The following PFKFB4 variants were observed in gnomAD, a reference collection of about 807,000 sequenced individuals.
The protein encoded by PFKFB4 is 6-phosphofructo-2-kinase/fructose-2,6-bisphosphatase 4.
A neutral mutation model predicts 62.8 loss-of-function variants in PFKFB4; 42 were observed. The observed-to-expected ratio is 0.67, with a 90% CI of 0.52 to 0.86. The LOEUF is 0.86. PFKFB4 is among the 40% of genes least tolerant of loss of function. The pLI is 0.00. For synonymous variants in PFKFB4, 204 were observed against 240.7 expected (o/e 0.85, Z 1.41); for missense variants, 475 against 627.2 (o/e 0.76, Z 2.59).
In PFKFB4 at chr3:48,523,619, T is replaced by G; in HGVS notation, c.1223-20A>C. On this transcript the variant is annotated intron_variant, in intron 11 of 13. Transcript: ENST00000232375. The stretch of plus-strand genomic sequence containing the variant: ...GCTGTTCTGTAGACACAGAGGGGGA[T>G]GGCTAGCACACCAGAAATGCCTGGT... The G allele has an allele frequency of 1.2e-6, 2 of 1,614,098 alleles. No homozygotes were observed. The highest frequency in any genetic ancestry group is 1.6e-4 in the Middle Eastern group (1 of 6,062).
intron 9 of PFKFB4, among the ~76,000 whole-genome samples, chr3:48,526,251 C>T (rs1230741536): frequency 7.0e-6 from 1 of 143,748 alleles, no homozygotes; most frequent in Admixed American, 7.1e-5. Flanking sequence ...GAGAGACTCC[C>T]TCTCAAAAGA....
chr3:48,552,379 C>A (rs998014128), intron 1 of PFKFB4, among the ~76,000 whole-genome samples: 2 of 152,246 alleles, frequency 1.3e-5, no homozygotes, highest in African/African-American at 4.8e-5. Flanking sequence ...CCAGTGGGGG[C>A]TCCATCACTC....
chr3:48,552,131 T>G (rs2043174747), intron 1 of PFKFB4, among the ~76,000 whole-genome samples: 1 of 152,122 alleles, frequency 6.6e-6, no homozygotes, highest in Admixed American at 6.5e-5. Flanking sequence ...TGACACTCAT[T>G]GGGAACTCTG....
At chr3:48,535,996 G>A (rs143811778) in intron 8 of PFKFB4, among the ~76,000 whole-genome samples, 2 of 152,310 alleles carry the variant, frequency 1.3e-5, no homozygotes, top group Non-Finnish European at 2.9e-5. Flanking sequence ...GACTCAGGTC[G>A]CTCTAAGGGT....
rs1354282136 is a variant in PFKFB4 at position 48,519,509 on chromosome 3, C to G, written c.*238G>C. On this transcript the variant is annotated 3_prime_UTR_variant, in exon 14 of 14. Transcript: ENST00000232375. Reference sequence around the variant, plus strand: ...CTGGGCAACCTCCGCGCAGCCCATGCAGATGCAGTCTGGTCAAGTGACTCT... The same window carrying G: ...CTGGGCAACCTCCGCGCAGCCCATGGAGATGCAGTCTGGTCAAGTGACTCT... The G allele has an allele frequency of 1.9e-6, 1 of 527,676 alleles. No individual in the cohort carries two copies. The allele number at this position is 527,676 out of a possible 1,614,324, so 32.7% of individuals were successfully genotyped here. A position where few individuals can be genotyped will look rare whatever the true frequency, so the allele number is the denominator to read the frequency against.
chr3:48,547,326 T>G (rs146382477), intron 3 of PFKFB4, among the ~76,000 whole-genome samples: 1 of 152,126 alleles, frequency 6.6e-6, no homozygotes, highest in Non-Finnish European at 1.5e-5. Flanking sequence ...CCTGTGCATA[T>G]GGTATACGCA....
intron 9 of PFKFB4, among the ~76,000 whole-genome samples, chr3:48,533,385 T>TA (rs1004753139): frequency 1.1e-4 from 16 of 150,894 alleles, no homozygotes; most frequent in East Asian, 7.8e-4. Flanking sequence ...TTTACCACAG[T>TA]AAAAAAAAAT....
intron 9 of PFKFB4, 120 bp from the exon 10 acceptor site, chr3:48,525,789 G>A: frequency 2.0e-6 from 1 of 503,464 alleles, no homozygotes; most frequent in Non-Finnish European, 3.6e-6. Context: ...CCTGGGTGAA[G>A]GGAACAGAAA....
chr3:48,549,488 A>G (rs1457836576), intron 3 of PFKFB4, among the ~76,000 whole-genome samples: 2 of 151,996 alleles, frequency 1.3e-5, no homozygotes, highest in African/African-American at 4.8e-5. Context: ...CGTGACCTCC[A>G]GGCAGCAGCT....
intron 4 of PFKFB4, among the ~76,000 whole-genome samples, chr3:48,542,857 C>A (rs1372032297): frequency 5.9e-5 from 9 of 152,196 alleles, no homozygotes; most frequent in Admixed American, 5.9e-4. Context: ...TGTGCAAGGT[C>A]TCACACAATT....
At chr3:48,537,645 C>T (rs948016248) in intron 7 of PFKFB4, among the ~76,000 whole-genome samples, 1 of 151,544 alleles carries the variant, frequency 6.6e-6, no homozygotes, top group Non-Finnish European at 1.5e-5. Flanking sequence ...CCACCTCAGC[C>T]TCCCGAGTAG....
intron 3 of PFKFB4, chr3:48,548,298 C>A (rs1016150392): frequency 2.0e-5 from 3 of 152,084 alleles, no homozygotes. Context: ...GCACCGCCCA[C>A]CACAGAAGCT....
At chr3:48,541,086 ATT>A (rs763161680) in intron 4 of PFKFB4, among the ~76,000 whole-genome samples, 17 of 128,312 alleles carry the variant, frequency 1.3e-4, no homozygotes, top group Admixed American at 2.4e-4. Flanking sequence ...CATCTGGCTA[ATT>A]TTTTTTTTTT....
chr3:48,539,829 T>C, intron 4 of PFKFB4, 58 bp from the exon 5 acceptor site: 1 of 1,429,160 alleles, frequency 7.0e-7, no homozygotes, highest in Non-Finnish European at 9.9e-7. Flanking sequence ...GGGGCCAGAG[T>C]GGGCCCTGAA....
chr3:48,560,441 G>A (rs2043414494), upstream of PFKFB4, among the ~76,000 whole-genome samples: 1 of 152,182 alleles, frequency 6.6e-6, no homozygotes, highest in Admixed American at 6.5e-5. Context: ...TCTGACTTCA[G>A]GTTATAGAAC....
At chr3:48,528,322 A>G (rs905290820) in intron 9 of PFKFB4, among the ~76,000 whole-genome samples, 4 of 152,140 alleles carry the variant, frequency 2.6e-5, no homozygotes, top group Non-Finnish European at 4.4e-5. Flanking sequence ...TGACCCAGCA[A>G]TTCTACTCCT....
intron 1 of PFKFB4, among the ~76,000 whole-genome samples, chr3:48,553,003 CCATAG>C: frequency 6.6e-6 from 1 of 152,204 alleles, no homozygotes. Context: ...GCTCTGCTTA[CCATAG>C]CAAAACACTG....
At chr3:48,520,502 C>G (rs2042064305) in intron 13 of PFKFB4, among the ~76,000 whole-genome samples, 1 of 152,198 alleles carries the variant, frequency 6.6e-6, no homozygotes, top group Admixed American at 6.5e-5. Context: ...CCTGCAGGAG[C>G]AGGTCACTGA....
chr3:48,522,880 C>G (rs1282451655), intron 12 of PFKFB4, among the ~76,000 whole-genome samples: 1 of 151,616 alleles, frequency 6.6e-6, no homozygotes, highest in African/African-American at 2.4e-5. Context: ...CCTGCCTCAG[C>G]CTCCCAAGTA....
Sources: allele counts gnomAD v4.1 joint callset (sites outside exome capture counted in the v4.1 genomes callset), GRCh38; gene constraint gnomAD v4.1.1; transcripts MANE v1.5; gene names NCBI Gene and HGNC (gene_info 2026-07-23, HGNC 2026-07-21).